GLIS3: variants seen among roughly 807,000 people sequenced by gnomAD.
GLIS3 encodes the protein zinc finger protein GLIS3.
In GLIS3, 53 loss-of-function variants were observed where a neutral mutation model predicts 78.6. The observed-to-expected ratio is 0.67, with a 90% CI of 0.54 to 0.85. The LOEUF (loss-of-function observed/expected upper bound fraction) is 0.85, where lower values mean the gene tolerates loss of function less well. Among genes scored for constraint, GLIS3 ranks in the 40% least tolerant of loss-of-function variants. GLIS3 has a pLI of 0.00. For missense variants in GLIS3, 1,703 were observed against 1,231.1 expected (o/e 1.38, Z -5.74); for synonymous variants, 684 against 509.9 (o/e 1.34, Z -4.60).
chr9:3,859,924 A>G (rs1384956727), intron 8 of GLIS3, among the ~76,000 whole-genome samples: 2 of 152,120 alleles, frequency 1.3e-5, no homozygotes, highest in Non-Finnish European at 2.9e-5. Context: ...ACCATGAGCA[A>G]TGGCATGCAA....
At chr9:4,244,120 C>T (rs1167862641) in intron 2 of GLIS3, among the ~76,000 whole-genome samples, 1 of 152,234 alleles carries the variant, frequency 6.6e-6, no homozygotes, top group Non-Finnish European at 1.5e-5. Flanking sequence ...TTCCATAAAT[C>T]CTTCAGGGCC....
At chr9:3,919,536 T>C (rs1016367127) in intron 6 of GLIS3, among the ~76,000 whole-genome samples, 2 of 151,830 alleles carry the variant, frequency 1.3e-5, no homozygotes, top group African/African-American at 2.4e-5. Context: ...ATAGGTAGTA[T>C]GCTTAATACC....
chr9:4,288,386 T>C (rs910761467), intron 1 of GLIS3, among the ~76,000 whole-genome samples: 1 of 152,196 alleles, frequency 6.6e-6, no homozygotes, highest in Admixed American at 6.5e-5. Context: ...AATAAAGAAT[T>C]GTTCAACATG....
intron 2 of GLIS3, among the ~76,000 whole-genome samples, chr9:4,149,221 G>A (rs893463630): frequency 1.3e-5 from 2 of 152,180 alleles, no homozygotes; most frequent in African/African-American, 4.8e-5. Flanking sequence ...TGGTGCCAGA[G>A]GAGGATGCCT....
At chr9:4,012,202 G>C (rs1822071879) in intron 4 of GLIS3, among the ~76,000 whole-genome samples, 1 of 152,118 alleles carries the variant, frequency 6.6e-6, no homozygotes, top group South Asian at 2.1e-4. Context: ...GCAAGTATGG[G>C]GCAGTGTTTT....
the GLIS3 span, among the ~76,000 whole-genome samples, chr9:4,412,044 T>C: frequency 6.6e-6 from 1 of 152,192 alleles, no homozygotes; most frequent in Non-Finnish European, 1.5e-5. Context: ...GTCAAATCCT[T>C]TAACAAAATT....
chr9:4,399,348 G>A, the GLIS3 span, among the ~76,000 whole-genome samples: 1 of 152,150 alleles, frequency 6.6e-6, no homozygotes, highest in Admixed American at 6.5e-5. Context: ...ATTCTAATAT[G>A]TGCCAAGCAC....
At chr9:3,881,322 T>G (rs1821714899) in intron 7 of GLIS3, among the ~76,000 whole-genome samples, 1 of 152,200 alleles carries the variant, frequency 6.6e-6, no homozygotes, top group Non-Finnish European at 1.5e-5. Context: ...TCCTATTTAT[T>G]TTGTTGTAGT....
chr9:3,956,241 T>C (rs1030781930), intron 4 of GLIS3, among the ~76,000 whole-genome samples: 4 of 151,842 alleles, frequency 2.6e-5, no homozygotes, highest in South Asian at 2.1e-4. Context: ...GACACAGCAA[T>C]GCTCTCAAAT....
At chr9:4,380,466 A>G in the GLIS3 span, among the ~76,000 whole-genome samples, 1 of 152,232 alleles carries the variant, frequency 6.6e-6, no homozygotes, top group Non-Finnish European at 1.5e-5. Flanking sequence ...AAAGCACCAA[A>G]GAAGATAAAA....
At chr9:4,348,401 T>C (rs1288319216), upstream of GLIS3, 1 of 152,208 alleles carries the variant, frequency 6.6e-6, no homozygotes, top group Non-Finnish European at 1.5e-5. Flanking sequence ...CCACATCCCA[T>C]GCAGTGGGAA....
intron 4 of GLIS3, among the ~76,000 whole-genome samples, chr9:3,980,612 T>C (rs913262258): frequency 6.6e-6 from 1 of 152,236 alleles, no homozygotes; most frequent in African/African-American, 2.4e-5. Context: ...AGTTCATTGA[T>C]TGTGCCTCTG....
rs1821571232 is a variant in GLIS3, at chr9:3,879,423, T to A, written c.2297+4A>T. ...TATTAGGAGAGAGAGACAGATGGCC[T>A]TACCTCTCAGCTCCTGCGTCCACAG... On this transcript the variant is annotated splice_donor_region_variant and intron_variant, in intron 8 of 10. Coordinates refer to ENST00000381971, the MANE Select transcript of GLIS3 (RefSeq NM_001042413.2). 1 of 1,613,718 alleles carries A rather than the reference T, an allele frequency of 6.2e-7. No individual in the cohort carries two copies. Among genetic ancestry groups the A allele is most frequent in the Admixed American group, 1.7e-5 (1 of 59,992 alleles).
intron 2 of GLIS3, among the ~76,000 whole-genome samples, chr9:4,230,300 G>A (rs927512187): frequency 1.3e-5 from 2 of 152,150 alleles, no homozygotes; most frequent in Non-Finnish European, 2.9e-5. Flanking sequence ...ATGAAATACC[G>A]AACTGCAGGC....
intron 9 of GLIS3, among the ~76,000 whole-genome samples, chr9:3,850,857 G>A (rs1819384784): frequency 2.0e-5 from 3 of 152,098 alleles, no homozygotes; most frequent in Admixed American, 2.0e-4. Flanking sequence ...CCCTCTGCCT[G>A]GAATGCCTTT....
chr9:3,875,628 T>C (rs1231085818), intron 8 of GLIS3: 2 of 152,188 alleles, frequency 1.3e-5, no homozygotes, highest in Admixed American at 6.5e-5. Flanking sequence ...GGTAAGCACA[T>C]TTCCTCTTAG....
the GLIS3 span, among the ~76,000 whole-genome samples, chr9:4,361,551 G>C: frequency 6.6e-6 from 1 of 152,154 alleles, no homozygotes. Flanking sequence ...CAAGGCTGTG[G>C]TGTATTAACC....
rs186593545 is a variant in GLIS3 at position 4,286,449 on chromosome 9, G to C, written c.-24C>G. The C allele has an allele frequency of 6.2e-7, 1 of 1,612,722 alleles. No homozygotes were observed. Among genetic ancestry groups the C allele is most frequent in the South Asian group, 1.1e-5 (1 of 91,000 alleles). On this transcript the variant is annotated 5_prime_UTR_variant, in exon 2 of 11. Transcript: ENST00000381971. ...ATTCTGAAAAACCTGTGGCCAAGAC[G>C]GTCAAATATCCAATGTCACTAATGA...
intron 4 of GLIS3, among the ~76,000 whole-genome samples, chr9:3,961,765 T>A (rs1005827832): frequency 1.3e-5 from 2 of 152,202 alleles, no homozygotes; most frequent in Non-Finnish European, 1.5e-5. Context: ...GTTGAGGGGA[T>A]CTTCGCTGAC....
Sources: allele counts gnomAD v4.1 joint callset (sites outside exome capture counted in the v4.1 genomes callset), GRCh38; gene constraint gnomAD v4.1.1; transcripts MANE v1.5; gene names NCBI Gene and HGNC (gene_info 2026-07-23, HGNC 2026-07-21).